Variants in STARD13 observed in about 807,000 individuals in gnomAD.
STARD13 encodes the protein StAR related lipid transfer domain containing 13.
STARD13 carries 62 observed loss-of-function variants against 106.4 expected under a neutral mutation model. That is an observed-to-expected ratio of 0.58 (90% CI 0.48 to 0.72). The LOEUF is 0.72. Ranked by LOEUF, STARD13 falls within the 30% of genes least tolerant of loss-of-function variation. STARD13 has a pLI of 0.00. For synonymous variants in STARD13, 565 were observed against 553.0 expected (o/e 1.02, Z -0.31); for missense variants, 1,387 against 1,424.0 (o/e 0.97, Z 0.42).
intron 1 of STARD13, among the ~76,000 whole-genome samples, chr13:33,325,539 G>T (rs1205439300): frequency 6.6e-6 from 1 of 151,868 alleles, no homozygotes; most frequent in Admixed American, 6.5e-5. Flanking sequence ...CCTTCCCTTT[G>T]GTCCTATTAT....
At chr13:33,590,329 C>A in the STARD13 span, among the ~76,000 whole-genome samples, 2 of 152,054 alleles carry the variant, frequency 1.3e-5, no homozygotes, top group East Asian at 3.9e-4. Context: ...TATCATTTGA[C>A]CCAGCCATCC....
chr13:33,470,746 C>T, the STARD13 span, among the ~76,000 whole-genome samples: 1 of 152,116 alleles, frequency 6.6e-6, no homozygotes, highest in Non-Finnish European at 1.5e-5. Flanking sequence ...CTGTTCATAT[C>T]CTTTGCCCAC....
At chr13:33,357,535 G>A in the STARD13 span, among the ~76,000 whole-genome samples, 2 of 152,144 alleles carry the variant, frequency 1.3e-5, no homozygotes, top group Non-Finnish European at 2.9e-5. Context: ...AACATAACAA[G>A]CACATGAGGT....
chr13:33,436,741 G>A, the STARD13 span, among the ~76,000 whole-genome samples: 5 of 152,284 alleles, frequency 3.3e-5, no homozygotes, highest in Non-Finnish European at 5.9e-5. Flanking sequence ...TTAATCTGTA[G>A]TGAAAGCAAT....
At chr13:33,619,136 A>C in the STARD13 span, among the ~76,000 whole-genome samples, 2 of 152,192 alleles carry the variant, frequency 1.3e-5, no homozygotes, top group Non-Finnish European at 2.9e-5. Context: ...TTCAGACCCC[A>C]AAAGCACCAC....
At chr13:33,231,369 G>T (rs1433050311) in intron 1 of STARD13, among the ~76,000 whole-genome samples, 2 of 152,206 alleles carry the variant, frequency 1.3e-5, no homozygotes, top group Non-Finnish European at 2.9e-5. Flanking sequence ...GCACATGGGT[G>T]GTGGCTGAGT....
chr13:33,229,052 G>T (rs1011510306), intron 1 of STARD13, among the ~76,000 whole-genome samples: 1 of 152,218 alleles, frequency 6.6e-6, no homozygotes, highest in East Asian at 1.9e-4. Flanking sequence ...ACTCTGGCAG[G>T]CTTTGACTAG....
chr13:33,450,210 G>T, the STARD13 span, among the ~76,000 whole-genome samples: 1 of 152,104 alleles, frequency 6.6e-6, no homozygotes, highest in African/African-American at 2.4e-5. Context: ...GAATGATGTT[G>T]GCCGTGAGTT....
intron 4 of STARD13, chr13:33,138,886 ATT>A (rs1002216918): frequency 2.1e-6 from 1 of 474,188 alleles, no homozygotes; most frequent in African/African-American, 2.0e-5. Flanking sequence ...TAGAAACTGT[ATT>A]GTGGGAGGGT....
At position 33,315,307 on chromosome 13, in the gene STARD13, A is replaced by G. The variant is rs1345360513; in HGVS notation, c.124+34983T>C. On this transcript the variant is annotated intron_variant, in intron 1 of 5. Coordinates refer to the STARD13 transcript ENST00000567873. ...AATTCATCAAATCCTTCCACTGAAG[A>G]GAGAAAGATTAGCAGGAATATTCAG... is the stretch of plus-strand genomic sequence containing the variant. Among the ~76,000 whole-genome samples the G allele has an allele frequency of 2.6e-5, 4 of 152,240 alleles. No individual in the cohort carries two copies. The East Asian group carries it at 7.7e-4, about 29-fold the overall frequency.
At chr13:33,249,461 C>T (rs1330200768) in intron 1 of STARD13, among the ~76,000 whole-genome samples, 1 of 152,214 alleles carries the variant, frequency 6.6e-6, no homozygotes, top group African/African-American at 2.4e-5. Flanking sequence ...TCGTCTTTGA[C>T]TCCACCTCCT....
At chr13:33,624,064 T>A in the STARD13 span, among the ~76,000 whole-genome samples, 1 of 152,232 alleles carries the variant, frequency 6.6e-6, no homozygotes, top group Non-Finnish European at 1.5e-5. Flanking sequence ...AGTGTTTTTG[T>A]AAAACTAACA....
At chr13:33,325,627 T>C (rs2077764803) in intron 1 of STARD13, among the ~76,000 whole-genome samples, 1 of 152,092 alleles carries the variant, frequency 6.6e-6, no homozygotes, top group Admixed American at 6.5e-5. Context: ...AAAAAATGCA[T>C]ACACTGCATC....
chr13:33,571,994 A>C, the STARD13 span, among the ~76,000 whole-genome samples: 1 of 152,182 alleles, frequency 6.6e-6, no homozygotes, highest in African/African-American at 2.4e-5. Flanking sequence ...TGTGTGGGAA[A>C]CAACAAAGCC....
chr13:33,241,832 T>A (rs918193412), intron 1 of STARD13, among the ~76,000 whole-genome samples: 2 of 152,144 alleles, frequency 1.3e-5, no homozygotes, highest in African/African-American at 4.8e-5. Flanking sequence ...GGAGTCGCGC[T>A]CACTCAGTGC....
At chr13:33,148,636 G>A (rs1278317308) in intron 3 of STARD13, among the ~76,000 whole-genome samples, 9 of 152,200 alleles carry the variant, frequency 5.9e-5, no homozygotes, top group Admixed American at 5.2e-4. Context: ...AATGAAAAAT[G>A]GTATGGCCAC....
intron 1 of STARD13, among the ~76,000 whole-genome samples, chr13:33,312,460 G>A (rs1039136046): frequency 2.6e-5 from 4 of 151,890 alleles, no homozygotes; most frequent in Non-Finnish European, 5.9e-5. Context: ...GGCCTTTTCT[G>A]CCCTCACCCC....
In STARD13 at chr13:33,185,983, G is replaced by A. The variant is rs866095544; in HGVS notation, c.170-18361C>T. On this transcript the variant is annotated intron_variant, in intron 1 of 13. Transcript: ENST00000336934. Reference sequence around the variant, plus strand: ...AGCACCAAGCACCACAAAGGGGCCTGGTTAACGTTTGCATGGAGAACTGAG... The same window carrying A: ...AGCACCAAGCACCACAAAGGGGCCTAGTTAACGTTTGCATGGAGAACTGAG... 5.0e-6 allele frequency: 8 copies of A among 1,614,216 alleles called. No individual in the cohort carries two copies. The African/African-American group carries it at 6.7e-5, about 13-fold the overall frequency.
At chr13:33,609,107 A>T in the STARD13 span, among the ~76,000 whole-genome samples, 11 of 150,534 alleles carry the variant, frequency 7.3e-5, no homozygotes, top group African/African-American at 2.0e-4. Flanking sequence ...AAAAAAAAAA[A>T]ATATTGATAC....
Sources: allele counts gnomAD v4.1 joint callset (sites outside exome capture counted in the v4.1 genomes callset), GRCh38; gene constraint gnomAD v4.1.1; transcripts MANE v1.5; gene names NCBI Gene and HGNC (gene_info 2026-07-23, HGNC 2026-07-21).